LMO4: variants seen among roughly 807,000 people sequenced by gnomAD.
LMO4 encodes LIM domain only 4, also known as LIM domain transcription factor LMO4.
Under a neutral mutation model 18.5 loss-of-function variants are expected in LMO4, and 3 were observed. That is an observed-to-expected ratio of 0.16 (90% CI 0.07 to 0.42). LMO4 has a LOEUF of 0.42. LMO4 is among the 10% of genes least tolerant of loss of function. The pLI, the probability that LMO4 is intolerant of heterozygous loss-of-function variation, is 0.99. For synonymous variants in LMO4, 100 were observed against 88.1 expected (o/e 1.14, Z -0.76); for missense variants, 121 against 219.9 (o/e 0.55, Z 2.84).
At chr1:87,336,153 G>T (rs575600533) in intron 2 of LMO4, among the ~76,000 whole-genome samples, 6 of 152,128 alleles carry the variant, frequency 3.9e-5, no homozygotes, top group African/African-American at 1.4e-4. Flanking sequence ...ATAATTTCTG[G>T]GTTGCATTTC....
chr1:87,341,424 C>T (rs983524428), intron 4 of LMO4, among the ~76,000 whole-genome samples: 3 of 152,008 alleles, frequency 2.0e-5, no homozygotes, highest in East Asian at 1.9e-4. Context: ...ATAGGAACTT[C>T]ATTAATGTCT....
Position 87,344,951 on chromosome 1 carries a change from A to T in LMO4, c.*155A>T. On this transcript the variant is annotated 3_prime_UTR_variant, in exon 5 of 5. Transcript: ENST00000370544. Reference sequence around the variant, plus strand: ...CTTTAGTCTTGATTGCCCTTCCCGCATTTATTGGTGTATTAAAATGACTGA... The same window carrying T: ...CTTTAGTCTTGATTGCCCTTCCCGCTTTTATTGGTGTATTAAAATGACTGA... 1.6e-6 allele frequency: 1 copy of T among 630,242 alleles called. No individual in the cohort carries two copies. The highest frequency in any genetic ancestry group is 1.8e-5 in the South Asian group (1 of 54,442). 39.0% of individuals were successfully genotyped at this position (630,242 alleles called of 1,614,324 possible).
In LMO4 at chr1:87,347,469, AAATC is replaced by A. The variant is rs1650668296; in HGVS notation, c.*2674_*2677del. On this transcript the variant is annotated 3_prime_UTR_variant, in exon 5 of 5. Transcript: ENST00000370544. ...TCTCAACATTGCTTAGGAAAAAAAA[AAATC>A]TATGAGTTTATTCCACCTTTCATCC... 6.6e-6 allele frequency: 1 copy of A among 152,132 alleles called. No individual in the cohort carries two copies. Among genetic ancestry groups the A allele is most frequent in the East Asian group, 1.9e-4 (1 of 5,198 alleles). The allele number at this position is 152,132 out of a possible 1,614,324, so 9.4% of individuals were successfully genotyped here. A position where few individuals can be genotyped will look rare whatever the true frequency, so the allele number is the denominator to read the frequency against.
At chr1:87,331,737 C>A in intron 1 of LMO4, 1 of 494,484 alleles carries the variant, frequency 2.0e-6, no homozygotes, top group East Asian at 3.3e-5. Flanking sequence ...TTGACAGTAC[C>A]GGAGCTGAAA....
At chr1:87,344,458 C>A (rs561551175) in intron 4 of LMO4, among the ~76,000 whole-genome samples, 1 of 152,308 alleles carries the variant, frequency 6.6e-6, no homozygotes, top group East Asian at 1.9e-4. Flanking sequence ...AATTCAAGAT[C>A]CCACTGCTGG....
chr1:87,343,180 CT>C (rs1267299733), intron 4 of LMO4, among the ~76,000 whole-genome samples: 1 of 152,142 alleles, frequency 6.6e-6, no homozygotes, highest in East Asian at 1.9e-4. Context: ...TCCCTTTAAA[CT>C]TTTATTCTGA....
Position 87,345,386 on chromosome 1 carries a change from A to C in LMO4, c.*590A>C. 1 of 149,142 alleles carries C rather than the reference A, an allele frequency of 6.7e-6. No individual in the cohort carries two copies. Among genetic ancestry groups the C allele is most frequent in the Non-Finnish European group, 1.5e-5 (1 of 67,946 alleles). 9.2% of individuals were successfully genotyped at this position (149,142 alleles called of 1,614,324 possible). On this transcript the variant is annotated 3_prime_UTR_variant, in exon 5 of 5. Transcript: ENST00000370544. ...CCTAATGTTGCTACTCCCATGGCAAAGAAAAAAAAAAGAATGAAAAAAAGA... is the reference window on the plus strand; with the variant it reads ...CCTAATGTTGCTACTCCCATGGCAACGAAAAAAAAAAGAATGAAAAAAAGA...
intron 4 of LMO4, among the ~76,000 whole-genome samples, chr1:87,340,588 A>G (rs1015459974): frequency 6.6e-6 from 1 of 152,256 alleles, no homozygotes; most frequent in Non-Finnish European, 1.5e-5. Context: ...GGAAAAGAGA[A>G]TAAAGATCTT....
In LMO4 at chr1:87,332,098, G is replaced by A. The variant is rs1570648996; in HGVS notation, c.83G>A (p.Gly28Asp). The change falls in exon 2 of 5, where the codon GGC (glycine) becomes GAC (aspartate). Residue 28 changes from glycine (G) to aspartate (D), a missense_variant. Gly to Asp is a moderately conservative substitution (Grantham distance 94). Around this residue, in one of 4 missense-constraint regions of LMO4, gnomAD observed 51 missense variants for 56.8 expected, o/e 0.90. Coordinates refer to ENST00000370544, the MANE Select transcript of LMO4 (RefSeq NM_006769.4). ...LSWKRCAGCG[G>D]KIADRFLLYA... The stretch of plus-strand genomic sequence containing the variant: ...TGGAAGCGGTGCGCAGGCTGCGGGG[G>A]CAAGATTGCGGACCGCTTTCTGCTC... 1 of 1,613,994 alleles carries A rather than the reference G, an allele frequency of 6.2e-7. No individual in the cohort carries two copies. Among genetic ancestry groups the A allele is most frequent in the Non-Finnish European group, 8.5e-7 (1 of 1,180,024 alleles).
chr1:87,329,997 A>G (rs2100771750), intron 1 of LMO4, among the ~76,000 whole-genome samples: 3 of 149,158 alleles, frequency 2.0e-5, no homozygotes. Flanking sequence ...TTTAACTTAA[A>G]AGCTTTCTTT....
chr1:87,332,376 C>G (rs1650182266), intron 2 of LMO4, 125 bp downstream of exon 2: 2 of 704,054 alleles, frequency 2.8e-6, no homozygotes, highest in Non-Finnish European at 4.8e-6. Context: ...CAAAAATCTT[C>G]TAGTTGGCGG....
At chr1:87,339,210 C>T (rs1471093709) in intron 2 of LMO4, among the ~76,000 whole-genome samples, 1 of 150,232 alleles carries the variant, frequency 6.7e-6, no homozygotes, top group Non-Finnish European at 1.5e-5. Flanking sequence ...CATTTAAACT[C>T]CAGTCATGAA....
At chr1:87,338,994 A>C (rs368924857) in intron 2 of LMO4, among the ~76,000 whole-genome samples, 6 of 152,186 alleles carry the variant, frequency 3.9e-5, no homozygotes, top group African/African-American at 1.2e-4. Flanking sequence ...GAAAAGGTTA[A>C]CCCATACACA....
chr1:87,333,139 G>A (rs867422731), intron 2 of LMO4, among the ~76,000 whole-genome samples: 20 of 152,300 alleles, frequency 1.3e-4, no homozygotes, highest in South Asian at 4.1e-4. Flanking sequence ...AAGAATTCAG[G>A]AGGTCAGGTG....
At chr1:87,334,781 G>A (rs1046676291) in intron 2 of LMO4, among the ~76,000 whole-genome samples, 1 of 152,160 alleles carries the variant, frequency 6.6e-6, no homozygotes, top group African/African-American at 2.4e-5. Context: ...GTGTCGATGG[G>A]CAGAGCTGGG....
At chr1:87,330,701 C>T (rs1343836530) in intron 1 of LMO4, among the ~76,000 whole-genome samples, 1 of 152,138 alleles carries the variant, frequency 6.6e-6, no homozygotes, top group Admixed American at 6.5e-5. Flanking sequence ...TCTGAGGTAT[C>T]AGCTGAATGT....
chr1:87,331,962 C>T, intron 1 of LMO4, 51 bp from the exon 2 acceptor site: 3 of 1,428,144 alleles, frequency 2.1e-6, no homozygotes, highest in Non-Finnish European at 1.9e-6. Flanking sequence ...CTAACTTTTG[C>T]ATCGCCCCTG....
chr1:87,339,026 A>G (rs554109322), intron 2 of LMO4, among the ~76,000 whole-genome samples: 1 of 152,298 alleles, frequency 6.6e-6, no homozygotes, highest in East Asian at 1.9e-4. Context: ...CCTGGATAGC[A>G]GAGAGTTTCT....
chr1:87,337,778 G>C (rs1179052231), intron 2 of LMO4, among the ~76,000 whole-genome samples: 2 of 152,232 alleles, frequency 1.3e-5, no homozygotes, highest in Non-Finnish European at 2.9e-5. Flanking sequence ...CCCTGCGGCA[G>C]TGGTACTGCA....
Sources: allele counts gnomAD v4.1 joint callset (sites outside exome capture counted in the v4.1 genomes callset), GRCh38; gene constraint gnomAD v4.1.1; regional missense constraint gnomAD v4.1.1; transcripts MANE v1.5; gene names NCBI Gene and HGNC (gene_info 2026-07-23, HGNC 2026-07-21).